POU2F1: variants seen among roughly 807,000 people sequenced by gnomAD.
The protein encoded by POU2F1 is POU class 2 homeobox 1.
Under a neutral mutation model 84.9 loss-of-function variants are expected in POU2F1, and 16 were observed. The observed-to-expected ratio is 0.19, with a 90% CI of 0.13 to 0.29. The LOEUF is 0.29. POU2F1 is among the 10% of genes least tolerant of loss of function. The pLI is 1.00. For synonymous variants in POU2F1, 368 were observed against 368.3 expected (o/e 1.00, Z 0.01); for missense variants, 738 against 942.6 (o/e 0.78, Z 2.84).
chr1:167,394,001 T>TTTTATTTTATTTTATTTTATTTTA (rs1648620745), intron 9 of POU2F1, among the ~76,000 whole-genome samples: 1 of 151,304 alleles, frequency 6.6e-6, no homozygotes, highest in Non-Finnish European at 1.5e-5. Context: ...TTTTATTTTA[T>TTTTATTTTATTTTATTTTATTTTA]TTTATTTTAT....
intron 1 of POU2F1, among the ~76,000 whole-genome samples, chr1:167,273,889 A>T (rs987199526): frequency 6.6e-6 from 1 of 152,248 alleles, no homozygotes; most frequent in Non-Finnish European, 1.5e-5. Context: ...TTTGACAAAG[A>T]TATAAAAGCC....
chr1:167,300,338 G>A (rs1474180150), intron 1 of POU2F1, among the ~76,000 whole-genome samples: 1 of 152,086 alleles, frequency 6.6e-6, no homozygotes, highest in East Asian at 1.9e-4. Flanking sequence ...TTTGGGTTAT[G>A]GGTTCAATAG....
chr1:167,256,397 G>A (rs370909266), intron 1 of POU2F1, among the ~76,000 whole-genome samples: 1 of 150,520 alleles, frequency 6.6e-6, no homozygotes, highest in East Asian at 1.9e-4. Context: ...GTTTGTGTTG[G>A]GTTTTCTGTT....
chr1:167,361,493 G>A (rs1431378823), intron 2 of POU2F1, among the ~76,000 whole-genome samples: 2 of 152,078 alleles, frequency 1.3e-5, no homozygotes, highest in African/African-American at 4.8e-5. Flanking sequence ...TGTATATGTT[G>A]AACCACCCTT....
At chr1:167,252,607 T>C (rs1650813690) in intron 1 of POU2F1, among the ~76,000 whole-genome samples, 1 of 152,248 alleles carries the variant, frequency 6.6e-6, no homozygotes, top group South Asian at 2.1e-4. Context: ...CCAATTAATA[T>C]CTATATTCTG....
chr1:167,316,948 G>A (rs1655948236), intron 1 of POU2F1, among the ~76,000 whole-genome samples: 1 of 152,134 alleles, frequency 6.6e-6, no homozygotes, highest in South Asian at 2.1e-4. Context: ...CTGGAGTGCA[G>A]TGGTGCAGTC....
In POU2F1 at chr1:167,319,957, G is replaced by C. The variant is rs576983808; in HGVS notation, c.62-12513G>C. ...ATTTGAGACCAGAGGCATTAACATG[G>C]GTTAAATTGTAAAAGTGTCTGGCAT... On this transcript the variant is annotated intron_variant, in intron 1 of 15. Coordinates refer to ENST00000367866, the MANE Select transcript of POU2F1 (RefSeq NM_002697.4). Among the ~76,000 whole-genome samples, 507 of 152,266 alleles carry C rather than the reference G, an allele frequency of 3.3e-3. 2 individuals carry two copies. Among genetic ancestry groups the C allele is most frequent in the African/African-American group, 0.011 (477 of 41,554 alleles).
intron 1 of POU2F1, among the ~76,000 whole-genome samples, chr1:167,324,970 C>T (rs1239341134): frequency 1.3e-5 from 2 of 152,116 alleles, no homozygotes; most frequent in Non-Finnish European, 2.9e-5. Context: ...AGAATGGTGG[C>T]AGTGCCAATA....
intron 2 of POU2F1, among the ~76,000 whole-genome samples, chr1:167,355,386 T>C (rs982475986): frequency 6.6e-6 from 1 of 152,184 alleles, no homozygotes; most frequent in Non-Finnish European, 1.5e-5. Context: ...ATCCCTATGC[T>C]AATACCACAC....
intron 2 of POU2F1, among the ~76,000 whole-genome samples, chr1:167,336,788 G>A (rs1214276495): frequency 1.3e-5 from 2 of 152,132 alleles, no homozygotes; most frequent in Non-Finnish European, 2.9e-5. Context: ...CAGCACTTTG[G>A]GAGGTTGAGG....
chr1:167,279,421 A>T (rs1652961129), intron 1 of POU2F1, among the ~76,000 whole-genome samples: 1 of 152,210 alleles, frequency 6.6e-6, no homozygotes, highest in African/African-American at 2.4e-5. Flanking sequence ...TGTGTGACCT[A>T]CCCTCGCAAT....
intron 15 of POU2F1, among the ~76,000 whole-genome samples, chr1:167,413,389 G>A (rs1464128572): frequency 1.3e-5 from 2 of 152,166 alleles, no homozygotes; most frequent in Non-Finnish European, 2.9e-5. Context: ...GAACTTTCAT[G>A]CTAATATTGA....
intron 8 of POU2F1, among the ~76,000 whole-genome samples, chr1:167,388,375 T>C (rs765853598): frequency 6.6e-6 from 1 of 152,172 alleles, no homozygotes; most frequent in Non-Finnish European, 1.5e-5. Flanking sequence ...CGTTATGATA[T>C]GTATCAAAAA....
At chr1:167,384,642 T>A (rs1175153523) in intron 8 of POU2F1, among the ~76,000 whole-genome samples, 3 of 151,692 alleles carry the variant, frequency 2.0e-5, no homozygotes, top group Non-Finnish European at 4.4e-5. Context: ...GAATTCAGCA[T>A]CCATTTATGA....
chr1:167,359,731 T>G (rs1317634346), intron 2 of POU2F1, among the ~76,000 whole-genome samples: 2 of 152,158 alleles, frequency 1.3e-5, no homozygotes, highest in East Asian at 3.8e-4. Context: ...GGTAATTCTG[T>G]TTTTAGTTCT....
At chr1:167,282,672 T>C (rs538204598) in intron 1 of POU2F1, among the ~76,000 whole-genome samples, 2 of 152,322 alleles carry the variant, frequency 1.3e-5, no homozygotes, top group South Asian at 4.1e-4. Context: ...TTTCTTCCCA[T>C]GTTCTACTTT....
At chr1:167,374,884 G>T (rs1012190811) in intron 6 of POU2F1, among the ~76,000 whole-genome samples, 3 of 152,124 alleles carry the variant, frequency 2.0e-5, no homozygotes, top group Admixed American at 6.5e-5. Flanking sequence ...TGGCTAACAC[G>T]GTGAAACCCC....
At chr1:167,267,933 G>T (rs1652096878) in intron 1 of POU2F1, among the ~76,000 whole-genome samples, 1 of 152,014 alleles carries the variant, frequency 6.6e-6, no homozygotes, top group Non-Finnish European at 1.5e-5. Context: ...GAGCCACCGT[G>T]CCCGGCCTAC....
chr1:167,242,321 T>C (rs1571149202), intron 1 of POU2F1, among the ~76,000 whole-genome samples: 1 of 152,220 alleles, frequency 6.6e-6, no homozygotes, highest in East Asian at 1.9e-4. Flanking sequence ...TGAGCAGTGA[T>C]AGAAGAGAAC....
Sources: gnomAD v4.1 joint callset for allele counts (sites outside exome capture counted in the v4.1 genomes callset) on GRCh38, gnomAD v4.1.1 for gene constraint, MANE v1.5 for transcripts, NCBI Gene and HGNC (gene_info 2026-07-23, HGNC 2026-07-21) for gene names.